The following TBL1XR1 variants were observed in gnomAD, a reference collection of about 807,000 sequenced individuals.
TBL1XR1 encodes the protein F-box-like/WD repeat-containing protein TBL1XR1.
A neutral mutation model predicts 66.9 loss-of-function variants in TBL1XR1; 5 were observed. The ratio of observed to expected loss-of-function variants is 0.07; its 90% CI spans 0.04 to 0.16. The LOEUF is 0.16. Among genes scored for constraint, TBL1XR1 ranks in the 10% least tolerant of loss-of-function variants. TBL1XR1 has a pLI of 1.00. For synonymous variants in TBL1XR1, 210 were observed against 206.0 expected (o/e 1.02, Z -0.17); for missense variants, 238 against 623.2 (o/e 0.38, Z 6.58).
intron 1 of TBL1XR1, among the ~76,000 whole-genome samples, chr3:177,129,505 C>T (rs1277121117): frequency 6.6e-6 from 1 of 152,086 alleles, no homozygotes; most frequent in Non-Finnish European, 1.5e-5. Context: ...AACAAGAGCA[C>T]ACACTGTATG....
At chr3:177,129,507 C>A (rs967286381) in intron 1 of TBL1XR1, among the ~76,000 whole-genome samples, 2 of 152,082 alleles carry the variant, frequency 1.3e-5, no homozygotes, top group African/African-American at 4.8e-5. Flanking sequence ...CAAGAGCACA[C>A]ACTGTATGTT....
chr3:177,159,677 T>TA (rs1165236949), intron 1 of TBL1XR1, among the ~76,000 whole-genome samples: 1 of 152,140 alleles, frequency 6.6e-6, no homozygotes, highest in South Asian at 2.1e-4. Context: ...TCCAAGTAAA[T>TA]AATTATAATC....
At chr3:177,103,021 T>C (rs1390464616) in intron 1 of TBL1XR1, among the ~76,000 whole-genome samples, 5 of 152,222 alleles carry the variant, frequency 3.3e-5, no homozygotes, top group Admixed American at 1.3e-4. Flanking sequence ...TCTTAAGATA[T>C]ATATGCTGAT....
chr3:177,029,841 G>A (rs1277670758), intron 14 of TBL1XR1, among the ~76,000 whole-genome samples: 1 of 152,140 alleles, frequency 6.6e-6, no homozygotes, highest in Non-Finnish European at 1.5e-5. Context: ...AAGTCCAACT[G>A]TATAATAACT....
At chr3:177,102,980 A>G (rs1724410402) in intron 1 of TBL1XR1, among the ~76,000 whole-genome samples, 1 of 152,256 alleles carries the variant, frequency 6.6e-6, no homozygotes, top group Non-Finnish European at 1.5e-5. Context: ...TCCCTAACAG[A>G]ACTAAGAATA....
intron 1 of TBL1XR1, among the ~76,000 whole-genome samples, chr3:177,188,936 G>A (rs375933582): frequency 3.2e-4 from 49 of 152,176 alleles, no homozygotes; most frequent in African/African-American, 6.8e-4. Context: ...GGGCGGGTGC[G>A]GTGGCTCACG....
chr3:177,079,607 G>A (rs1020547391), intron 2 of TBL1XR1: 1 of 151,862 alleles, frequency 6.6e-6, no homozygotes, highest in Admixed American at 6.6e-5. Context: ...TCATTGGTAA[G>A]AAATCCTCTG....
intron 2 of TBL1XR1, among the ~76,000 whole-genome samples, chr3:177,074,044 G>A (rs1720380879): frequency 1.3e-5 from 2 of 152,148 alleles, no homozygotes; most frequent in African/African-American, 4.8e-5. Context: ...CTTTGGTACT[G>A]GAGAATTGAT....
At chr3:177,143,642 T>G (rs1443957101) in intron 1 of TBL1XR1, among the ~76,000 whole-genome samples, 1 of 152,220 alleles carries the variant, frequency 6.6e-6, no homozygotes, top group Non-Finnish European at 1.5e-5. Context: ...TTTATCTCAT[T>G]AAATTATTGT....
chr3:177,064,614 G>A (rs1437399322), intron 3 of TBL1XR1, among the ~76,000 whole-genome samples: 1 of 152,190 alleles, frequency 6.6e-6, no homozygotes, highest in Admixed American at 6.5e-5. Context: ...TTATCAAACT[G>A]ATGGTGGCTA....
intron 2 of TBL1XR1, among the ~76,000 whole-genome samples, chr3:177,079,194 G>T (rs1230778807): frequency 3.9e-5 from 6 of 151,914 alleles, no homozygotes; most frequent in Non-Finnish European, 7.4e-5. Flanking sequence ...CACTTTGGAA[G>T]GCCGAGGTGG....
At chr3:177,126,372 G>T (rs1416086017) in intron 1 of TBL1XR1, among the ~76,000 whole-genome samples, 1 of 152,152 alleles carries the variant, frequency 6.6e-6, no homozygotes, top group Non-Finnish European at 1.5e-5. Context: ...CCAAAAAATG[G>T]TAATATTAAT....
chr3:177,038,005 A>G (rs933292329), intron 12 of TBL1XR1, 93 bp downstream of exon 12: 1 of 1,092,888 alleles, frequency 9.2e-7, no homozygotes, highest in Admixed American at 2.1e-5. Context: ...CAAACACTCC[A>G]TGTAAGACAG....
chr3:177,154,707 T>C (rs977570278), intron 1 of TBL1XR1, among the ~76,000 whole-genome samples: 1 of 152,154 alleles, frequency 6.6e-6, no homozygotes, highest in Non-Finnish European at 1.5e-5. Context: ...CAGAACTTTT[T>C]AAAAAGAAAT....
At chr3:177,151,943 G>C (rs1285450865) in intron 1 of TBL1XR1, among the ~76,000 whole-genome samples, 1 of 152,154 alleles carries the variant, frequency 6.6e-6, no homozygotes, top group African/African-American at 2.4e-5. Flanking sequence ...AGAATCACTT[G>C]AACCTGGGAG....
intron 1 of TBL1XR1, among the ~76,000 whole-genome samples, chr3:177,104,016 T>A (rs1281018825): frequency 1.3e-5 from 2 of 151,362 alleles, no homozygotes; most frequent in African/African-American, 4.9e-5. Flanking sequence ...CTCGGGAGGC[T>A]GAGGCAGGAG....
At chr3:177,100,463 AC>A (rs1724064538) in intron 1 of TBL1XR1, among the ~76,000 whole-genome samples, 1 of 151,382 alleles carries the variant, frequency 6.6e-6, no homozygotes, top group Non-Finnish European at 1.5e-5. Context: ...TCACTCTGTC[AC>A]CCAGGCTGAA....
rs1294112167 is a variant in TBL1XR1, at chr3:177,023,337, TA to T, written c.*2160del. The T allele has an allele frequency of 7.2e-5, 11 of 152,524 alleles. No individual in the cohort carries two copies. The highest frequency in any genetic ancestry group is 5.8e-4 in the East Asian group (3 of 5,204). 9.4% of individuals were successfully genotyped at this position (152,524 alleles called of 1,614,324 possible). A position where few individuals can be genotyped will look rare whatever the true frequency, so the allele number is the denominator to read the frequency against. On this transcript the variant is annotated 3_prime_UTR_variant, in exon 16 of 16. Coordinates refer to ENST00000457928, the MANE Select transcript of TBL1XR1 (RefSeq NM_024665.7). ...TGCACAGATTTTTTTAATTTTTATTTATTTTTTTTAAACAATAACAGAGGTC... is the reference window on the plus strand; with the variant it reads ...TGCACAGATTTTTTTAATTTTTATTTTTTTTTTTAAACAATAACAGAGGTC...
intron 7 of TBL1XR1, among the ~76,000 whole-genome samples, chr3:177,048,648 TTA>T (rs1409482438): frequency 1.3e-5 from 2 of 152,344 alleles, no homozygotes; most frequent in South Asian, 2.1e-4. Context: ...CCTAAATGTT[TTA>T]GTTCATGAAC....
Sources: gnomAD v4.1 joint callset for allele counts (sites outside exome capture counted in the v4.1 genomes callset) on GRCh38, gnomAD v4.1.1 for gene constraint, MANE v1.5 for transcripts, NCBI Gene and HGNC (gene_info 2026-07-23, HGNC 2026-07-21) for gene names.